Variants in ARMH4 observed in about 807,000 individuals in gnomAD.
ARMH4 encodes the protein armadillo-like helical domain-containing protein 4.
A neutral mutation model predicts 61.9 loss-of-function variants in ARMH4; 49 were observed. That is an observed-to-expected ratio of 0.79 (90% CI 0.63 to 1.00). ARMH4 has a LOEUF of 1.00. ARMH4 is among the 50% of genes least tolerant of loss of function. The pLI, the probability that ARMH4 is intolerant of heterozygous loss-of-function variation, is 0.00. For missense variants in ARMH4, 934 were observed against 930.0 expected (o/e 1.00, Z -0.06); for synonymous variants, 368 against 341.5 (o/e 1.08, Z -0.85).
At chr14:58,081,897 T>C (rs1885238789) in intron 5 of ARMH4, among the ~76,000 whole-genome samples, 1 of 151,880 alleles carries the variant, frequency 6.6e-6, no homozygotes, top group Non-Finnish European at 1.5e-5. Context: ...CATCCCATAA[T>C]GATCGTACAT....
chr14:58,062,287 C>A (rs1052779361), intron 5 of ARMH4, among the ~76,000 whole-genome samples: 3 of 152,150 alleles, frequency 2.0e-5, no homozygotes, highest in African/African-American at 7.2e-5. Context: ...TGCAGTGAGC[C>A]ATGATCATGC....
intron 1 of ARMH4, among the ~76,000 whole-genome samples, chr14:58,151,378 A>T (rs1243263580): frequency 2.0e-5 from 3 of 151,982 alleles, no homozygotes; most frequent in Non-Finnish European, 4.4e-5. Flanking sequence ...GCACCTCCCA[A>T]CTATTCCGGA....
At chr14:58,013,077 T>TA (rs879513737) in intron 5 of ARMH4, among the ~76,000 whole-genome samples, 22 of 152,148 alleles carry the variant, frequency 1.4e-4, no homozygotes, top group South Asian at 6.2e-4. Flanking sequence ...GAAATAAGTG[T>TA]AAAAAAAACT....
chr14:58,138,260 G>A lies in ARMH4; in HGVS notation c.1099C>T (p.Leu367=). 1 of 1,614,206 alleles carries A rather than the reference G, an allele frequency of 6.2e-7. No homozygotes were observed. The highest frequency in any genetic ancestry group is 8.5e-7 in the Non-Finnish European group (1 of 1,180,036). ...TGTGTTTCCCCTTCAGGCAGCCCCA[G>A]AGCCACCTGTGCAGCCTCTGTCCAA... is the stretch of plus-strand genomic sequence containing the variant. ...QPWTEAAQVA[L]GLPEGETHTG... Residue 367 remains leucine (L), a synonymous_variant, in exon 2 of 8, where the codon CTG becomes TTG. Coordinates refer to ENST00000267485, the MANE Select transcript of ARMH4 (RefSeq NM_001001872.4).
intron 4 of ARMH4, among the ~76,000 whole-genome samples, chr14:58,125,460 AG>A (rs1406438983): frequency 6.6e-6 from 1 of 152,234 alleles, no homozygotes; most frequent in African/African-American, 2.4e-5. Context: ...ACTATCAAGC[AG>A]ATAGTCAGGG....
rs2747102 is a variant in ARMH4, at chr14:58,001,370, C to A, written c.*3366G>T. The A allele has an allele frequency of 0.33, 50,768 of 151,954 alleles. 8,717 individuals carry two copies. The highest frequency in any genetic ancestry group is 0.56 in the East Asian group (2,897 of 5,156). 9.4% of individuals were successfully genotyped at this position (151,954 alleles called of 1,614,324 possible). On this transcript the variant is annotated 3_prime_UTR_variant, in exon 8 of 8. Coordinates refer to ENST00000267485, the MANE Select transcript of ARMH4 (RefSeq NM_001001872.4). ...TATAAGCATAAGCAATGAACACAGG[C>A]GTACAGATACTTCTTCAAGATCCTG...
chr14:58,100,193 T>C (rs907585595), intron 4 of ARMH4, among the ~76,000 whole-genome samples: 25 of 151,910 alleles, frequency 1.6e-4, no homozygotes, highest in African/African-American at 5.1e-4. Context: ...ATAAAAAAAC[T>C]GGAAAGGAAA....
chr14:58,133,273 CTT>C lies in ARMH4; in HGVS notation c.1436_1437del (p.Gln479ArgfsTer16), dbSNP rs769113979. The C allele has an allele frequency of 3.1e-6, 5 of 1,613,938 alleles. No homozygotes were observed. The Admixed American group carries it at 6.7e-5, about 22-fold the overall frequency. On this transcript the variant is annotated frameshift_variant, in exon 3 of 8. Transcript: ENST00000267485. LOFTEE classifies it high-confidence loss of function. The stretch of plus-strand genomic sequence containing the variant: ...ATAAGCTCGAGGGTAGCAACCTGCT[CTT>C]GTGTCACCATGGATAAAGTGGCATC... ...EPDATLSMVT[Q>X]EQVATLELIR...
intron 5 of ARMH4, among the ~76,000 whole-genome samples, chr14:58,012,388 A>C (rs1386182162): frequency 6.6e-6 from 1 of 152,182 alleles, no homozygotes; most frequent in East Asian, 1.9e-4. Flanking sequence ...TGTTTGCTAA[A>C]TGTTTTTTCT....
intron 5 of ARMH4, among the ~76,000 whole-genome samples, chr14:58,044,030 C>T (rs1389320630): frequency 6.6e-6 from 1 of 152,086 alleles, no homozygotes; most frequent in African/African-American, 2.4e-5. Context: ...GTGAAAATGG[C>T]CATACTGCCC....
intron 5 of ARMH4, among the ~76,000 whole-genome samples, chr14:58,022,324 A>G (rs1882866772): frequency 6.6e-6 from 1 of 152,126 alleles, no homozygotes; most frequent in African/African-American, 2.4e-5. Context: ...TCTCAGAAAG[A>G]CCGTTGTGAT....
intron 5 of ARMH4, among the ~76,000 whole-genome samples, chr14:58,091,792 A>C (rs960637589): frequency 1.2e-4 from 18 of 152,322 alleles, no homozygotes; most frequent in African/African-American, 4.1e-4. Flanking sequence ...ATGTGAATAG[A>C]GAGCTTCCTA....
chr14:58,087,816 G>C (rs987133337), intron 5 of ARMH4, among the ~76,000 whole-genome samples: 6 of 152,184 alleles, frequency 3.9e-5, no homozygotes, highest in African/African-American at 1.2e-4. Flanking sequence ...AGTGTCTCAT[G>C]TTAAAGGAAA....
At chr14:58,081,747 C>G (rs1328701438) in intron 5 of ARMH4, among the ~76,000 whole-genome samples, 1 of 151,848 alleles carries the variant, frequency 6.6e-6, no homozygotes, top group African/African-American at 2.4e-5. Flanking sequence ...ACCTCATGAT[C>G]CGCCCGCCTC....
chr14:58,068,427 T>C (rs891656328), intron 5 of ARMH4, among the ~76,000 whole-genome samples: 4 of 152,228 alleles, frequency 2.6e-5, no homozygotes, highest in African/African-American at 9.6e-5. Context: ...GTGCTTGTCA[T>C]GATTAGATAG....
chr14:58,039,913 A>G (rs1341638702), intron 5 of ARMH4, among the ~76,000 whole-genome samples: 2 of 152,174 alleles, frequency 1.3e-5, no homozygotes, highest in Non-Finnish European at 2.9e-5. Context: ...AGTGGGACAA[A>G]GACTGTCCAC....
chr14:58,148,867 A>ACC (rs1375680765), intron 1 of ARMH4, among the ~76,000 whole-genome samples: 1 of 152,000 alleles, frequency 6.6e-6, no homozygotes, highest in Non-Finnish European at 1.5e-5. Flanking sequence ...ACACACACAC[A>ACC]CACACACACA....
In ARMH4 at chr14:58,003,295, T is replaced by C. The variant is rs998451049; in HGVS notation, c.*1441A>G. 3 of 152,230 alleles carry C rather than the reference T, an allele frequency of 2.0e-5. No individual in the cohort carries two copies. Among genetic ancestry groups the C allele is most frequent in the Non-Finnish European group, 4.4e-5 (3 of 68,064 alleles). The allele number at this position is 152,230 out of a possible 1,614,324, so 9.4% of individuals were successfully genotyped here. ...GGGTCCAAGTGGGTTCTCACGCTGATTCTCTCTGGGTACAACTTTGGAAAA... is the reference window on the plus strand; with the variant it reads ...GGGTCCAAGTGGGTTCTCACGCTGACTCTCTCTGGGTACAACTTTGGAAAA... On this transcript the variant is annotated 3_prime_UTR_variant, in exon 8 of 8. Coordinates refer to ENST00000267485, the MANE Select transcript of ARMH4 (RefSeq NM_001001872.4).
chr14:58,122,638 C>T (rs1024289168), intron 4 of ARMH4, among the ~76,000 whole-genome samples: 2 of 152,044 alleles, frequency 1.3e-5, no homozygotes, highest in African/African-American at 4.8e-5. Flanking sequence ...AAAAGGCCAC[C>T]GCTTTAGTCA....
Sources: allele counts gnomAD v4.1 joint callset (sites outside exome capture counted in the v4.1 genomes callset), GRCh38; gene constraint gnomAD v4.1.1; transcripts MANE v1.5; gene names NCBI Gene and HGNC (gene_info 2026-07-23, HGNC 2026-07-21).